The following MAST4 variants were observed in gnomAD, a reference collection of about 807,000 sequenced individuals.
The protein encoded by MAST4 is microtubule associated serine/threonine kinase family member 4.
MAST4 carries 89 observed loss-of-function variants against 162.7 expected under a neutral mutation model. The observed-to-expected ratio is 0.55, with a 90% CI of 0.46 to 0.65. The LOEUF is 0.65. Among genes scored for constraint, MAST4 ranks in the 30% least tolerant of loss-of-function variants. The probability of loss-of-function intolerance (pLI) is 0.00; values close to 1 mark genes in which losing one functional copy is unlikely to be tolerated. For synonymous variants in MAST4, 1,479 were observed against 1,361.1 expected (o/e 1.09, Z -1.91); for missense variants, 3,153 against 3,374.0 (o/e 0.93, Z 1.62).
Position 67,095,649 on chromosome 5 carries a change from A to T in MAST4, c.886A>T (p.Thr296Ser), listed in dbSNP as rs1581540892. 6 of 1,607,222 alleles carry T rather than the reference A, an allele frequency of 3.7e-6. No homozygotes were observed. In the East Asian group the frequency reaches 1.3e-4, roughly 36 times the overall value. The change falls in exon 7 of 29, where the codon ACA (threonine) becomes TCA (serine). Residue 296 changes from threonine (T) to serine (S), a missense_variant. Physicochemically the swap from Thr to Ser is moderately conservative, Grantham distance 58 (BLOSUM62 1). This residue lies in a region of MAST4 where 360 missense variants were observed against 450.0 expected (regional missense o/e 0.80). Coordinates refer to ENST00000403625, the MANE Select transcript of MAST4 (RefSeq NM_001164664.2). ...TTCTCTCCCTTCCTCTGGCTATGGG[A>T]CAAACACACCCAGCTCTACGGTCTC... is the stretch of plus-strand genomic sequence containing the variant. ...LASLPSSGYG[T>S]NTPSSTVSSS...
chr5:66,766,963 G>A (rs774342006), intron 2 of MAST4, among the ~76,000 whole-genome samples: 5 of 152,068 alleles, frequency 3.3e-5, no homozygotes, highest in Non-Finnish European at 5.9e-5. Context: ...CTTTCCTCCC[G>A]TGGTGACTCA....
chr5:66,677,766 G>A (rs1748047906), intron 1 of MAST4, among the ~76,000 whole-genome samples: 1 of 152,148 alleles, frequency 6.6e-6, no homozygotes, highest in East Asian at 1.9e-4. Flanking sequence ...GGTGACTCCA[G>A]TAGAGAGATT....
chr5:66,794,469 G>A (rs1755556797), intron 3 of MAST4, among the ~76,000 whole-genome samples: 3 of 152,190 alleles, frequency 2.0e-5, no homozygotes, highest in Non-Finnish European at 4.4e-5. Flanking sequence ...CTTGGGGTTG[G>A]TAGAAAAAGT....
At chr5:67,063,640 G>A (rs1398037274) in intron 5 of MAST4, among the ~76,000 whole-genome samples, 1 of 133,156 alleles carries the variant, frequency 7.5e-6, no homozygotes, top group Non-Finnish European at 1.6e-5. Context: ...TTTTTTTTTT[G>A]TAAGAACATG....
At chr5:66,832,089 C>T (rs1394850732) in intron 3 of MAST4, among the ~76,000 whole-genome samples, 1 of 152,084 alleles carries the variant, frequency 6.6e-6, no homozygotes, top group African/African-American at 2.4e-5. Flanking sequence ...CATCGTAAGG[C>T]AGGCATGACT....
intron 4 of MAST4, among the ~76,000 whole-genome samples, chr5:66,950,134 C>T (rs1744497910): frequency 6.6e-6 from 1 of 152,088 alleles, no homozygotes; most frequent in African/African-American, 2.4e-5. Context: ...ACCACCTTAA[C>T]CACTGTCCTG....
At position 67,166,691 on chromosome 5, in the gene MAST4, G is replaced by A; in HGVS notation, c.7512G>A (p.Lys2504=). 1 of 1,592,378 alleles carries A rather than the reference G, an allele frequency of 6.3e-7. No homozygotes were observed. ...LPAPSNRDHR[K]AQPAGEGRTH... ...CCCCCAGCAACAGGGACCATAGGAA[G>A]GCTCAGCCTGCCGGGGAGGGCCGAA... Residue 2504 remains lysine (K), a synonymous_variant, in exon 29 of 29, where the codon AAG becomes AAA. Transcript: ENST00000403625.
intron 4 of MAST4, among the ~76,000 whole-genome samples, chr5:66,925,084 A>C (rs1764800170): frequency 6.6e-6 from 1 of 152,202 alleles, no homozygotes; most frequent in South Asian, 2.1e-4. Flanking sequence ...TTTTCTATAT[A>C]CTTTTAGACT....
At chr5:66,647,894 A>T (rs1210094034) in intron 1 of MAST4, among the ~76,000 whole-genome samples, 1 of 152,164 alleles carries the variant, frequency 6.6e-6, no homozygotes, top group Admixed American at 6.5e-5. Context: ...TATAGAGGGA[A>T]AGGTGGGAAT....
At chr5:66,721,933 C>T (rs10057223) in intron 1 of MAST4, among the ~76,000 whole-genome samples, 56,756 of 151,522 alleles carry the variant, frequency 0.37, 10,628 homozygotes, top group Non-Finnish European at 0.39. Context: ...CCTTCAAATA[C>T]ATCCAGAATC....
At chr5:66,945,545 G>A (rs1249751008) in intron 4 of MAST4, among the ~76,000 whole-genome samples, 2 of 152,106 alleles carry the variant, frequency 1.3e-5, no homozygotes, top group African/African-American at 4.8e-5. Flanking sequence ...CTTTTGTGGG[G>A]ACTGCCCCTC....
chr5:67,044,756 T>C (rs1291582899), intron 4 of MAST4, among the ~76,000 whole-genome samples: 1 of 152,216 alleles, frequency 6.6e-6, no homozygotes, highest in Non-Finnish European at 1.5e-5. Flanking sequence ...TAACGAGCCT[T>C]CCTGCCTTGG....
intron 4 of MAST4, among the ~76,000 whole-genome samples, chr5:66,928,587 T>C (rs921990672): frequency 6.6e-6 from 1 of 152,168 alleles, no homozygotes; most frequent in Non-Finnish European, 1.5e-5. Context: ...ACCTGTTAAA[T>C]TGGCCTTTGT....
intron 1 of MAST4, among the ~76,000 whole-genome samples, chr5:66,698,784 A>C (rs1055279175): frequency 6.6e-6 from 1 of 152,074 alleles, no homozygotes; most frequent in African/African-American, 2.4e-5. Flanking sequence ...CCAAGATGTG[A>C]ATTGTTCTTC....
At chr5:66,882,587 T>C (rs979073051) in intron 3 of MAST4, among the ~76,000 whole-genome samples, 3 of 152,224 alleles carry the variant, frequency 2.0e-5, no homozygotes, top group African/African-American at 7.2e-5. Context: ...GATTTTTCTT[T>C]TTTGTTTTTA....
At chr5:67,014,640 G>A (rs1286745723) in intron 4 of MAST4, among the ~76,000 whole-genome samples, 1 of 152,134 alleles carries the variant, frequency 6.6e-6, no homozygotes, top group Non-Finnish European at 1.5e-5. Context: ...TTGAAATCAA[G>A]GATTTTTAAA....
At chr5:66,645,998 T>C (rs879856116) in intron 1 of MAST4, among the ~76,000 whole-genome samples, 25 of 152,320 alleles carry the variant, frequency 1.6e-4, no homozygotes, top group African/African-American at 5.3e-4. Context: ...TCTATATTGC[T>C]AAAGTTCTGA....
chr5:66,739,762 A>AAT (rs1752376763), intron 1 of MAST4, among the ~76,000 whole-genome samples: 1 of 152,150 alleles, frequency 6.6e-6, no homozygotes, highest in Non-Finnish European at 1.5e-5. Context: ...TTCCCATGGC[A>AAT]AATGCTAAAA....
chr5:66,863,528 C>G (rs532277709), intron 3 of MAST4, among the ~76,000 whole-genome samples: 2 of 152,216 alleles, frequency 1.3e-5, no homozygotes, highest in South Asian at 4.1e-4. Flanking sequence ...CTCTCTCCTC[C>G]CACCCCTACC....
Sources: gnomAD v4.1 joint callset for allele counts (sites outside exome capture counted in the v4.1 genomes callset) on GRCh38, gnomAD v4.1.1 for gene constraint, gnomAD v4.1.1 regional missense constraint, MANE v1.5 for transcripts, NCBI Gene and HGNC (gene_info 2026-07-23, HGNC 2026-07-21) for gene names.